Variants in SUPT3H observed in about 807,000 individuals in gnomAD.
SUPT3H encodes the protein transcription initiation protein SPT3 homolog.
SUPT3H carries 44 observed loss-of-function variants against 44.3 expected under a neutral mutation model. The observed-to-expected ratio is 0.99, with a 90% CI of 0.78 to 1.28. The LOEUF is 1.28. Ranked by LOEUF, SUPT3H falls within the 50% of genes most tolerant of loss-of-function variation. SUPT3H has a pLI of 0.00. For missense variants in SUPT3H, 380 were observed against 387.1 expected (o/e 0.98, Z 0.15); for synonymous variants, 124 against 125.6 (o/e 0.99, Z 0.09).
chr6:44,833,336 CTTA>C (rs1267244903), intron 10 of SUPT3H, among the ~76,000 whole-genome samples: 1 of 152,046 alleles, frequency 6.6e-6, no homozygotes, highest in Non-Finnish European at 1.5e-5. Flanking sequence ...TTACTGAGTT[CTTA>C]TTCTGTAAAT....
intron 3 of SUPT3H, among the ~76,000 whole-genome samples, chr6:45,058,892 C>G (rs182521414): frequency 6.6e-6 from 1 of 152,028 alleles, no homozygotes; most frequent in Non-Finnish European, 1.5e-5. Context: ...AAGATCTACC[C>G]GAATTGCAAG....
At chr6:45,073,336 A>T (rs1486760501) in intron 3 of SUPT3H, among the ~76,000 whole-genome samples, 2 of 152,024 alleles carry the variant, frequency 1.3e-5, no homozygotes, top group Non-Finnish European at 2.9e-5. Flanking sequence ...TAATTAGACT[A>T]CCAAAAGTTT....
At chr6:45,079,120 T>TAATATAG (rs1211442334) in intron 3 of SUPT3H, among the ~76,000 whole-genome samples, 1 of 152,052 alleles carries the variant, frequency 6.6e-6, no homozygotes, top group Non-Finnish European at 1.5e-5. Context: ...ACCATCTGGC[T>TAATATAG]AATATAGTGA....
At chr6:45,204,250 A>AAGAAGAAGAAGAAGAAGAAG (rs1762860332) in intron 2 of SUPT3H, among the ~76,000 whole-genome samples, 2 of 143,052 alleles carry the variant, frequency 1.4e-5, no homozygotes, top group African/African-American at 2.6e-5. Flanking sequence ...CCGTCTCAAA[A>AAGAAGAAGAAGAAGAAGAAG]AAGAAGAAGA....
At chr6:45,296,064 A>G (rs550022184) in intron 2 of SUPT3H, among the ~76,000 whole-genome samples, 1 of 152,264 alleles carries the variant, frequency 6.6e-6, no homozygotes, top group East Asian at 1.9e-4. Flanking sequence ...AAAAACATGG[A>G]ATCAACCCAG....
At chr6:45,114,063 A>T (rs1350391102) in intron 2 of SUPT3H, among the ~76,000 whole-genome samples, 4 of 151,976 alleles carry the variant, frequency 2.6e-5, no homozygotes, top group African/African-American at 9.7e-5. Context: ...ATTATTTATG[A>T]TATAAAATAA....
At chr6:45,051,013 T>C (rs1175607094) in intron 3 of SUPT3H, among the ~76,000 whole-genome samples, 1 of 151,198 alleles carries the variant, frequency 6.6e-6, no homozygotes, top group Non-Finnish European at 1.5e-5. Context: ...GCCTCCTGAG[T>C]AGCTGGGACT....
At chr6:45,324,733 A>C (rs1786084856) in intron 2 of SUPT3H, among the ~76,000 whole-genome samples, 1 of 151,964 alleles carries the variant, frequency 6.6e-6, no homozygotes, top group Non-Finnish European at 1.5e-5. Context: ...TAATCAAATG[A>C]AGTTGTTCAA....
rs1230911813 is a variant in SUPT3H, at chr6:45,375,105, G to T, written c.-1+2663C>A. On this transcript the variant is annotated intron_variant, in intron 1 of 10. Coordinates refer to ENST00000371459, the MANE Select transcript of SUPT3H (RefSeq NM_003599.4). The stretch of plus-strand genomic sequence containing the variant: ...GCCTGTAATCCCAGCTACTCGGGAG[G>T]CTGAGGCAGGAGAATCGCTTGAACC... Among the ~76,000 whole-genome samples, 3 of 152,204 alleles carry T rather than the reference G, an allele frequency of 2.0e-5. No individual in the cohort carries two copies. The East Asian group carries it at 5.8e-4, about 29-fold the overall frequency.
intron 6 of SUPT3H, among the ~76,000 whole-genome samples, chr6:44,993,666 A>G (rs1780900003): frequency 6.6e-6 from 1 of 152,158 alleles, no homozygotes; most frequent in Admixed American, 6.6e-5. Context: ...CCTATGCCAG[A>G]ATAACATATA....
chr6:44,964,698 C>T (rs1390636738), intron 6 of SUPT3H, among the ~76,000 whole-genome samples: 2 of 152,150 alleles, frequency 1.3e-5, no homozygotes, highest in Admixed American at 1.3e-4. Context: ...AAGCAGTAAA[C>T]TTTGATCTGA....
At chr6:45,284,596 T>C (rs1778856674) in intron 2 of SUPT3H, among the ~76,000 whole-genome samples, 1 of 152,148 alleles carries the variant, frequency 6.6e-6, no homozygotes, top group Admixed American at 6.5e-5. Flanking sequence ...ATAGAGGCAA[T>C]AATTAATAGC....
chr6:45,105,812 T>C (rs1799194784), intron 3 of SUPT3H, 110 bp downstream of exon 3: 1 of 831,890 alleles, frequency 1.2e-6, no homozygotes, highest in Non-Finnish European at 1.8e-6. Flanking sequence ...TCAATAATGC[T>C]AACAAAAAAG....
chr6:45,098,787 G>T, intron 3 of SUPT3H: 1 of 515,866 alleles, frequency 1.9e-6, no homozygotes, highest in South Asian at 1.5e-5. Flanking sequence ...GATGCAGATT[G>T]ATTACTGTTG....
chr6:45,059,951 TAAAC>T lies in SUPT3H; in HGVS notation c.187-39323_187-39320del, dbSNP rs1285544353. 4.6e-5 allele frequency among the ~76,000 whole-genome samples: 7 copies of T among 151,980 alleles called. No homozygotes were observed. In the South Asian group the frequency reaches 1.5e-3, roughly 32 times the overall value. ...CTGCTCAAGGAAATTACAGAGGACA[TAAAC>T]AAATGGAATAACATTCCATGCTCAT... On this transcript the variant is annotated intron_variant, in intron 3 of 10. Coordinates refer to ENST00000371459, the MANE Select transcript of SUPT3H (RefSeq NM_003599.4).
intron 2 of SUPT3H, among the ~76,000 whole-genome samples, chr6:45,267,863 T>C (rs1294605324): frequency 6.6e-6 from 1 of 152,124 alleles, no homozygotes; most frequent in African/African-American, 2.4e-5. Context: ...ATGAAAGTCA[T>C]GGGGAGTAGC....
At chr6:44,920,846 CTATTT>C (rs762902829) in intron 10 of SUPT3H, among the ~76,000 whole-genome samples, 3 of 152,154 alleles carry the variant, frequency 2.0e-5, no homozygotes, top group Non-Finnish European at 4.4e-5. Flanking sequence ...TTTCATACAT[CTATTT>C]TATTTTTCAT....
chr6:44,905,942 A>T (rs1355081611), intron 10 of SUPT3H, among the ~76,000 whole-genome samples: 1 of 151,860 alleles, frequency 6.6e-6, no homozygotes, highest in Non-Finnish European at 1.5e-5. Context: ...ACCAAACACC[A>T]CATGTTCTCA....
intron 2 of SUPT3H, among the ~76,000 whole-genome samples, chr6:45,279,350 A>G (rs1157945980): frequency 2.6e-5 from 4 of 152,154 alleles, no homozygotes; most frequent in Non-Finnish European, 5.9e-5. Flanking sequence ...GTGTGCATGT[A>G]TGATATGGTT....
Sources: allele counts gnomAD v4.1 joint callset (sites outside exome capture counted in the v4.1 genomes callset), GRCh38; gene constraint gnomAD v4.1.1; transcripts MANE v1.5; gene names NCBI Gene and HGNC (gene_info 2026-07-23, HGNC 2026-07-21).